MALSU1: variants seen among roughly 807,000 people sequenced by gnomAD.
MALSU1 encodes mitochondrial assembly of ribosomal large subunit 1.
In MALSU1, 22 loss-of-function variants were observed where a neutral mutation model predicts 22.1. The observed-to-expected ratio is 1.00, with a 90% CI of 0.71 to 1.42. The LOEUF (loss-of-function observed/expected upper bound fraction) is 1.42. MALSU1 is among the 40% of genes most tolerant of loss of function. The probability of loss-of-function intolerance (pLI) is 0.00; values close to 1 mark genes in which losing one functional copy is unlikely to be tolerated. For synonymous variants in MALSU1, 153 were observed against 118.5 expected, an observed-to-expected ratio of 1.29 and a Z score of -1.89; for missense variants, 379 against 308.3, an observed-to-expected ratio of 1.23 and a Z score of -1.72.
chr7:23,305,135 T>C (rs2128489285), intron 2 of MALSU1, among the ~76,000 whole-genome samples: 1 of 152,340 alleles, frequency 6.6e-6, no homozygotes, highest in South Asian at 2.1e-4. Flanking sequence ...CTCAGCAACG[T>C]TTGTTGGAAG....
rs1783633430 is a variant in MALSU1 at position 23,300,864 on chromosome 7, C to T, written c.282C>T (p.Ile94=). The T allele has an allele frequency of 6.2e-7, 1 of 1,613,694 alleles. No individual in the cohort carries two copies. The highest frequency in any genetic ancestry group is 8.5e-7 in the Non-Finnish European group (1 of 1,179,884). The change falls in exon 2 of 4, where the codon ATC becomes ATT. Residue 94 remains isoleucine (I), a synonymous_variant. Transcript: ENST00000466681. ...AADHTGPKFD[I]DMMVSLLRQE... is the part of the protein sequence containing the mutation. Reference sequence around the variant, plus strand: ...ATCATACTGGTCCCAAGTTTGACATCGATATGATGGTTTCACTTCTGAGGC... The same window carrying T: ...ATCATACTGGTCCCAAGTTTGACATTGATATGATGGTTTCACTTCTGAGGC...
Position 23,299,386 on chromosome 7 carries a change from G to A in MALSU1, c.34G>A (p.Ala12Thr). 3.8e-6 allele frequency: 6 copies of A among 1,589,758 alleles called. No homozygotes were observed. Among genetic ancestry groups the A allele is most frequent in the Non-Finnish European group, 4.3e-6 (5 of 1,172,154 alleles). Residue 12 changes from alanine (A) to threonine (T), a missense_variant, in exon 1 of 4, where the codon GCC becomes ACC. By Grantham distance (58) the Ala-to-Thr change is moderately conservative. Coordinates refer to ENST00000466681, the MANE Select transcript of MALSU1 (RefSeq NM_138446.2). ...GGGCGGCCGTGTGGCGCGGCTGCTC[G>A]CCCCACTAATGTGGCGCAGGGCGGT... ...GPGGRVARLL[A>T]PLMWRRAVSS...
At chr7:23,307,559 TG>T (rs1260591936) in intron 2 of MALSU1, 2 of 239,418 alleles carry the variant, frequency 8.4e-6, no homozygotes, top group Admixed American at 1.1e-4. Context: ...ACACAAGTGA[TG>T]GATGTAGGTG....
In MALSU1 at chr7:23,310,239, C is replaced by G. The variant is rs1180219701; in HGVS notation, c.*696C>G. On this transcript the variant is annotated 3_prime_UTR_variant, in exon 4 of 4. Transcript: ENST00000466681. ...CTAAATGATGAAAAAATTTATTCTGCGTCAAGGTATCTGGAAAATGAAGCT... is the reference window on the plus strand; with the variant it reads ...CTAAATGATGAAAAAATTTATTCTGGGTCAAGGTATCTGGAAAATGAAGCT... The G allele has an allele frequency of 1.3e-5, 2 of 152,208 alleles. No individual in the cohort carries two copies. Among genetic ancestry groups the G allele is most frequent in the South Asian group, 2.1e-4 (1 of 4,828 alleles). The allele number at this position is 152,208 out of a possible 1,614,324, so 9.4% of individuals were successfully genotyped here.
At position 23,310,042 on chromosome 7, in the gene MALSU1, A is replaced by ACT. The variant is rs1175923079; in HGVS notation, c.*502_*503dup. 1.3e-5 allele frequency: 2 copies of ACT among 151,926 alleles called. No individual in the cohort carries two copies. The highest frequency in any genetic ancestry group is 4.8e-5 in the African/African-American group (2 of 41,322). The allele number at this position is 151,926 out of a possible 1,614,324, so 9.4% of individuals were successfully genotyped here. Reference sequence around the variant, plus strand: ...GTAAACAAAGTGTTTGTTAGGAAAAACTCTGAACGCTCTAGTTCTTAGTTC... The same window carrying ACT: ...GTAAACAAAGTGTTTGTTAGGAAAAACTCTCTGAACGCTCTAGTTCTTAGTTC... On this transcript the variant is annotated 3_prime_UTR_variant, in exon 4 of 4. Coordinates refer to ENST00000466681, the MANE Select transcript of MALSU1 (RefSeq NM_138446.2).
Position 23,299,382 on chromosome 7 carries a change from G to T in MALSU1, c.30G>T (p.Leu10=), listed in dbSNP as rs1206465456. The T allele has an allele frequency of 1.3e-6, 2 of 1,588,402 alleles. No individual in the cohort carries two copies. The highest frequency in any genetic ancestry group is 8.5e-7 in the Non-Finnish European group (1 of 1,171,608). Residue 10 remains leucine (L), a synonymous_variant, in exon 1 of 4, where the codon CTG becomes CTT. Transcript: ENST00000466681. ...GGCCGGGCGGCCGTGTGGCGCGGCT[G>T]CTCGCCCCACTAATGTGGCGCAGGG... is the stretch of plus-strand genomic sequence containing the variant. The part of the protein sequence containing the change: MGPGGRVAR[L]LAPLMWRRAV...
At position 23,299,608 on chromosome 7, in the gene MALSU1, G is replaced by A; in HGVS notation, c.256G>A (p.Asp86Asn). 6.4e-7 allele frequency: 1 copy of A among 1,574,754 alleles called. No homozygotes were observed. The change falls in exon 1 of 4, where the codon GAT (aspartate) becomes AAT (asparagine). Residue 86 changes from aspartate to asparagine, a missense_variant and splice_region_variant. Physicochemically the swap from Asp to Asn is conservative, Grantham distance 23 (BLOSUM62 1). Coordinates refer to ENST00000466681, the MANE Select transcript of MALSU1 (RefSeq NM_138446.2). ...NEGRPESDAA[D>N]HTGPKFDIDM... ...GGGACGCCCAGAATCGGACGCGGCA[G>A]GTACGGGCGTGGAGAAGAACGAAGG...
chr7:23,309,202 A>T (rs145302573), intron 3 of MALSU1, among the ~76,000 whole-genome samples, 154 bp from the exon 4 acceptor site: 131 of 152,312 alleles, frequency 8.6e-4, no homozygotes, highest in African/African-American at 3.1e-3. Context: ...CTTCTGTGGT[A>T]TTTTTGCTGG....
chr7:23,304,626 A>G (rs1170614043), intron 2 of MALSU1, among the ~76,000 whole-genome samples: 1 of 152,190 alleles, frequency 6.6e-6, no homozygotes, highest in Non-Finnish European at 1.5e-5. Flanking sequence ...CAGCCTCCCA[A>G]GTTGCTAGGA....
intron 2 of MALSU1, among the ~76,000 whole-genome samples, chr7:23,303,697 C>T (rs1481065632): frequency 6.6e-6 from 1 of 151,404 alleles, no homozygotes; most frequent in Non-Finnish European, 1.5e-5. Flanking sequence ...GTAGTCCCAG[C>T]TACTTGGAAT....
At position 23,309,561 on chromosome 7, in the gene MALSU1, G is replaced by A. The variant is rs748826537; in HGVS notation, c.*18G>A. The A allele has an allele frequency of 3.8e-5, 60 of 1,560,642 alleles. No homozygotes were observed. Among genetic ancestry groups the A allele is most frequent in the South Asian group, 7.1e-5 (6 of 84,622 alleles). On this transcript the variant is annotated 3_prime_UTR_variant, in exon 4 of 4. Coordinates refer to ENST00000466681, the MANE Select transcript of MALSU1 (RefSeq NM_138446.2). Reference sequence around the variant, plus strand: ...GTGAATAAAATATTTTATGCACTGCGTTAGTCATTTCAGATTTGGATTGAG... The same window carrying A: ...GTGAATAAAATATTTTATGCACTGCATTAGTCATTTCAGATTTGGATTGAG...
At chr7:23,304,886 C>T (rs1443836069) in intron 2 of MALSU1, among the ~76,000 whole-genome samples, 1 of 140,120 alleles carries the variant, frequency 7.1e-6, no homozygotes, top group Admixed American at 6.7e-5. Context: ...TGTGGGTTGC[C>T]TTTTTACTCT....
At chr7:23,300,662 G>C (rs557044789) in intron 1 of MALSU1, among the ~76,000 whole-genome samples, 177 bp from the exon 2 acceptor site, 74 of 152,172 alleles carry the variant, frequency 4.9e-4, no homozygotes, top group Non-Finnish European at 1.5e-5. Context: ...AAAGTTGAGC[G>C]GTGCTATGAT....
At chr7:23,305,984 C>G (rs961022839) in intron 2 of MALSU1, among the ~76,000 whole-genome samples, 2 of 152,060 alleles carry the variant, frequency 1.3e-5, no homozygotes, top group African/African-American at 4.8e-5. Context: ...CACCTGAGAT[C>G]GGGAGTTCAA....
In MALSU1 at chr7:23,311,344, C is replaced by T. The variant is rs527554982; in HGVS notation, c.*1801C>T. ...AAAGTCTTGCATCTCTTCACTGATG[C>T]ACTTTCTTTAGGTATTGATAGTCAG... is the stretch of plus-strand genomic sequence containing the variant. On this transcript the variant is annotated 3_prime_UTR_variant, in exon 4 of 4. Transcript: ENST00000466681. 2.0e-5 allele frequency: 3 copies of T among 152,704 alleles called. No individual in the cohort carries two copies. Among genetic ancestry groups the T allele is most frequent in the Admixed American group, 6.5e-5 (1 of 15,288 alleles). 9.5% of individuals were successfully genotyped at this position (152,704 alleles called of 1,614,324 possible). A position where few individuals can be genotyped will look rare whatever the true frequency, so the allele number is the denominator to read the frequency against.
At chr7:23,306,288 A>G (rs1783721430) in intron 2 of MALSU1, among the ~76,000 whole-genome samples, 1 of 152,174 alleles carries the variant, frequency 6.6e-6, no homozygotes, top group Non-Finnish European at 1.5e-5. Flanking sequence ...GTTAGTGTAT[A>G]GAAATACGAT....
rs1431468948 is a variant in MALSU1 at position 23,310,864 on chromosome 7, T to G, written c.*1321T>G. The G allele has an allele frequency of 6.6e-6, 1 of 151,968 alleles. No homozygotes were observed. The highest frequency in any genetic ancestry group is 2.4e-5 in the African/African-American group (1 of 41,354). The allele number at this position is 151,968 out of a possible 1,614,324, so 9.4% of individuals were successfully genotyped here. On this transcript the variant is annotated 3_prime_UTR_variant, in exon 4 of 4. Coordinates refer to ENST00000466681, the MANE Select transcript of MALSU1 (RefSeq NM_138446.2). ...ACTGTGATCATCTTACAAACAAAAC[T>G]CAAAAAATCAATTCAGAGAGCAGCG... is the stretch of plus-strand genomic sequence containing the variant.
chr7:23,305,640 G>A (rs1005259328), intron 2 of MALSU1, among the ~76,000 whole-genome samples: 3 of 152,104 alleles, frequency 2.0e-5, no homozygotes, highest in African/African-American at 7.2e-5. Flanking sequence ...GCCTCCCAAA[G>A]GGCTGGGATT....
At position 23,302,508 on chromosome 7, in the gene MALSU1, G is replaced by A. The variant is rs149745172; in HGVS notation, c.435+1491G>A. ...AGATGCCAAAAACAGGGTAATTGGA[G>A]AGATAGGGAGAGAACTAGGAAAGCA... On this transcript the variant is annotated intron_variant, in intron 2 of 3. Transcript: ENST00000466681. 2.6e-4 allele frequency among the ~76,000 whole-genome samples: 39 copies of A among 152,280 alleles called. No individual in the cohort carries two copies. The East Asian group carries it at 7.3e-3, about 29-fold the overall frequency.
Sources: allele counts gnomAD v4.1 joint callset (sites outside exome capture counted in the v4.1 genomes callset), GRCh38; gene constraint gnomAD v4.1.1; transcripts MANE v1.5; gene names NCBI Gene and HGNC (gene_info 2026-07-23, HGNC 2026-07-21).